The following CNTNAP2 variants were observed in gnomAD, a reference collection of about 807,000 sequenced individuals.
CNTNAP2 encodes the protein contactin associated protein 2.
CNTNAP2 carries 98 observed loss-of-function variants against 155.2 expected under a neutral mutation model. The ratio of observed to expected loss-of-function variants is 0.63; its 90% CI spans 0.54 to 0.75. The LOEUF is 0.75. Ranked by LOEUF, CNTNAP2 falls within the 30% of genes least tolerant of loss-of-function variation. CNTNAP2 has a pLI of 0.00. For synonymous variants in CNTNAP2, 651 were observed against 631.2 expected (o/e 1.03, Z -0.47); for missense variants, 1,727 against 1,688.1 (o/e 1.02, Z -0.40).
chr7:148,409,826 C>T (rs1173154184), intron 23 of CNTNAP2, among the ~76,000 whole-genome samples: 2 of 55,160 alleles, frequency 3.6e-5, no homozygotes, highest in Non-Finnish European at 7.7e-5. Flanking sequence ...CCGAGGCGGG[C>T]GGATCACAAG....
rs567273444 is a variant in CNTNAP2, at chr7:147,155,483, C to A, written c.1348+22974C>A. Among the ~76,000 whole-genome samples, 4 of 152,116 alleles carry A rather than the reference C, an allele frequency of 2.6e-5. No homozygotes were observed. In the South Asian group the frequency reaches 6.2e-4, roughly 24 times the overall value. ...TTAGAACATAGACATTTGGAGGAGG[C>A]CCCCTAGAGAACCGGTACCCAGACT... On this transcript the variant is annotated intron_variant, in intron 8 of 23. Coordinates refer to ENST00000361727, the MANE Select transcript of CNTNAP2 (RefSeq NM_014141.6).
At chr7:146,470,243 A>G (rs117612196) in intron 1 of CNTNAP2, among the ~76,000 whole-genome samples, 1,927 of 152,296 alleles carry the variant, frequency 0.013, 18 homozygotes, top group Middle Eastern at 0.027. Context: ...TTTGAAATTT[A>G]TATACATGGA....
intron 1 of CNTNAP2, among the ~76,000 whole-genome samples, chr7:146,181,372 A>G (rs1798546489): frequency 6.6e-6 from 1 of 152,146 alleles, no homozygotes; most frequent in Non-Finnish European, 1.5e-5. Context: ...AGTAACAGAA[A>G]AAAAGTTCTA....
chr7:148,391,658 T>A (rs1054346626), intron 22 of CNTNAP2, among the ~76,000 whole-genome samples: 19 of 152,232 alleles, frequency 1.2e-4, no homozygotes, highest in Non-Finnish European at 2.5e-4. Flanking sequence ...ATTGCCGTGA[T>A]TTACCTCTCA....
chr7:146,872,465 T>C (rs532684766), intron 3 of CNTNAP2, among the ~76,000 whole-genome samples: 2 of 152,308 alleles, frequency 1.3e-5, no homozygotes, highest in South Asian at 4.1e-4. Flanking sequence ...TTGGGTTCCA[T>C]GCAACTTAAT....
intron 1 of CNTNAP2, among the ~76,000 whole-genome samples, chr7:146,654,620 A>G (rs1646399912): frequency 6.6e-6 from 1 of 152,184 alleles, no homozygotes; most frequent in Non-Finnish European, 1.5e-5. Context: ...CAGTTGCTGA[A>G]TTTAGTCCCA....
At chr7:146,340,774 C>T (rs1801369229) in intron 1 of CNTNAP2, among the ~76,000 whole-genome samples, 1 of 152,098 alleles carries the variant, frequency 6.6e-6, no homozygotes, top group African/African-American at 2.4e-5. Flanking sequence ...CCTGTCCCTA[C>T]ATCATATTTT....
rs1035165573 is a variant in CNTNAP2, at chr7:148,354,159, G to C, written c.3476-29490G>C. The stretch of plus-strand genomic sequence containing the variant: ...TTGGTAGCAAGTCTTAGCAGGTGCT[G>C]AGAAATACGAAACGATTAATTTTTT... On this transcript the variant is annotated intron_variant, in intron 21 of 23. Transcript: ENST00000361727. 3.2e-4 allele frequency among the ~76,000 whole-genome samples: 47 copies of C among 147,480 alleles called. 2 individuals carry two copies. Among genetic ancestry groups the C allele is most frequent in the African/African-American group, 1.1e-3 (46 of 40,148 alleles).
intron 1 of CNTNAP2, among the ~76,000 whole-genome samples, chr7:146,352,471 G>A (rs1240602467): frequency 6.6e-6 from 1 of 151,824 alleles, no homozygotes; most frequent in African/African-American, 2.4e-5. Flanking sequence ...TATTAGATTT[G>A]AATTTTTGGA....
chr7:147,237,427 A>G (rs558270536), intron 8 of CNTNAP2, among the ~76,000 whole-genome samples: 1 of 152,222 alleles, frequency 6.6e-6, no homozygotes, highest in East Asian at 1.9e-4. Flanking sequence ...TTGTTTTCCA[A>G]ATGTGCCACC....
chr7:147,264,004 G>T (rs193259056), intron 8 of CNTNAP2, among the ~76,000 whole-genome samples: 113 of 152,344 alleles, frequency 7.4e-4, no homozygotes, highest in Middle Eastern at 3.4e-3. Flanking sequence ...CTAGCAGTCA[G>T]TGGAGGCCTT....
At chr7:147,792,406 T>G (rs978637734) in intron 13 of CNTNAP2, among the ~76,000 whole-genome samples, 1 of 152,132 alleles carries the variant, frequency 6.6e-6, no homozygotes, top group African/African-American at 2.4e-5. Flanking sequence ...TATCTTAGAC[T>G]TTGCATATAA....
chr7:147,122,454 G>T (rs939023390), intron 6 of CNTNAP2: 2 of 152,322 alleles, frequency 1.3e-5, no homozygotes, highest in African/African-American at 2.4e-5. Context: ...AAAAGTGAAA[G>T]TAGATTTTTA....
chr7:146,793,069 A>C (rs2129189491), intron 2 of CNTNAP2, among the ~76,000 whole-genome samples: 1 of 152,346 alleles, frequency 6.6e-6, no homozygotes, highest in African/African-American at 2.4e-5. Flanking sequence ...TTTGTTATGT[A>C]ATCAATATAA....
intron 12 of CNTNAP2, among the ~76,000 whole-genome samples, chr7:147,635,355 T>C (rs1220140162): frequency 6.6e-6 from 1 of 151,744 alleles, no homozygotes; most frequent in Admixed American, 6.6e-5. Context: ...AATTCGTGGG[T>C]TCAAGTGATC....
chr7:147,503,373 A>C (rs10282302), intron 11 of CNTNAP2, among the ~76,000 whole-genome samples: 49,601 of 151,922 alleles, frequency 0.33, 8,390 homozygotes, highest in East Asian at 0.43. Context: ...AGTACAAATT[A>C]ATCTTGACAA....
intron 9 of CNTNAP2, among the ~76,000 whole-genome samples, chr7:147,356,988 T>G (rs376824077): frequency 9.2e-5 from 14 of 152,112 alleles, no homozygotes; most frequent in African/African-American, 3.4e-4. Flanking sequence ...CTAATACCAC[T>G]TGAAATTATA....
At chr7:146,599,452 T>C (rs1798913011) in intron 1 of CNTNAP2, among the ~76,000 whole-genome samples, 1 of 152,060 alleles carries the variant, frequency 6.6e-6, no homozygotes, top group African/African-American at 2.4e-5. Context: ...ACTCTTCTTC[T>C]TGCTAGGCAT....
intron 1 of CNTNAP2, among the ~76,000 whole-genome samples, chr7:146,588,690 G>A (rs557407395): frequency 6.6e-6 from 1 of 152,070 alleles, no homozygotes; most frequent in African/African-American, 2.4e-5. Flanking sequence ...AAAAATGTTG[G>A]TAGAGGTAGG....
Sources: allele counts gnomAD v4.1 joint callset (sites outside exome capture counted in the v4.1 genomes callset), GRCh38; gene constraint gnomAD v4.1.1; transcripts MANE v1.5; gene names NCBI Gene and HGNC (gene_info 2026-07-23, HGNC 2026-07-21).